ADCY2: variants seen among roughly 807,000 people sequenced by gnomAD.
The protein encoded by ADCY2 is adenylate cyclase 2, also known as adenylate cyclase type 2.
ADCY2 carries 31 observed loss-of-function variants against 125.2 expected under a neutral mutation model. The observed-to-expected ratio is 0.25, with a 90% CI of 0.19 to 0.33. The LOEUF (loss-of-function observed/expected upper bound fraction) is 0.33, where lower values mean the gene tolerates loss of function less well. ADCY2 is among the 10% of genes least tolerant of loss of function. The pLI, the probability that ADCY2 is intolerant of heterozygous loss-of-function variation, is 1.00. For missense variants in ADCY2, 904 were observed against 1,418.2 expected (o/e 0.64, Z 5.82); for synonymous variants, 512 against 548.4 (o/e 0.93, Z 0.93).
At chr5:7,649,844 ACCC>A (rs1442877992) in intron 4 of ADCY2, among the ~76,000 whole-genome samples, 1 of 151,748 alleles carries the variant, frequency 6.6e-6, no homozygotes, top group Non-Finnish European at 1.5e-5. Flanking sequence ...CCCCCTCTTT[ACCC>A]CTCTAGGTAA....
intron 3 of ADCY2, among the ~76,000 whole-genome samples, chr5:7,609,102 C>T (rs960644120): frequency 1.3e-5 from 2 of 152,202 alleles, no homozygotes; most frequent in African/African-American, 4.8e-5. Flanking sequence ...CAAAACATAG[C>T]TTCATGGTTC....
intron 20 of ADCY2, chr5:7,796,155 A>T (rs149641456): frequency 6.6e-6 from 1 of 152,352 alleles, no homozygotes; most frequent in Non-Finnish European, 1.5e-5. Flanking sequence ...AACTAGTGAA[A>T]TACTTCATGC....
At chr5:7,710,018 G>A (rs1409822833) in intron 10 of ADCY2, among the ~76,000 whole-genome samples, 1 of 152,196 alleles carries the variant, frequency 6.6e-6, no homozygotes, top group Non-Finnish European at 1.5e-5. Context: ...AAAACTATCT[G>A]GGGGTAAAAT....
chr5:7,517,352 G>T (rs750479150), intron 2 of ADCY2, among the ~76,000 whole-genome samples: 1 of 152,200 alleles, frequency 6.6e-6, no homozygotes, highest in Admixed American at 6.5e-5. Flanking sequence ...CCAAGAGATA[G>T]CATTCGACTA....
chr5:7,775,770 A>G (rs905144176), intron 18 of ADCY2, among the ~76,000 whole-genome samples: 7 of 152,114 alleles, frequency 4.6e-5, no homozygotes, highest in African/African-American at 1.7e-4. Flanking sequence ...CTTACTCATT[A>G]TTTTTTCCTA....
chr5:7,714,412 G>A (rs1741534618), intron 11 of ADCY2, among the ~76,000 whole-genome samples: 1 of 152,240 alleles, frequency 6.6e-6, no homozygotes, highest in African/African-American at 2.4e-5. Context: ...GCCGGGATGA[G>A]TGCAGTCTGG....
At chr5:7,608,092 T>C (rs1737444181) in intron 3 of ADCY2, among the ~76,000 whole-genome samples, 3 of 152,214 alleles carry the variant, frequency 2.0e-5, no homozygotes, top group Admixed American at 6.5e-5. Context: ...AAAGAATTAA[T>C]TAATTACAGG....
chr5:7,624,318 A>C (rs1219099505), intron 3 of ADCY2, among the ~76,000 whole-genome samples: 1 of 152,140 alleles, frequency 6.6e-6, no homozygotes, highest in Non-Finnish European at 1.5e-5. Flanking sequence ...ACCTTATTAC[A>C]CTTACACCTA....
At position 7,771,284 on chromosome 5, in the gene ADCY2, C is replaced by T. The variant is rs77530579; in HGVS notation, c.2215-1648C>T. On this transcript the variant is annotated intron_variant, in intron 17 of 24. Coordinates refer to ENST00000338316, the MANE Select transcript of ADCY2 (RefSeq NM_020546.3). ...TTTACTACATTAACCCACATCATCT[C>T]TTCTTTTCCTTTTCCTGTTCTCTGT... Among the ~76,000 whole-genome samples, 1,408 of 152,346 alleles carry T rather than the reference C, an allele frequency of 9.2e-3. 17 individuals are homozygous for T. Among genetic ancestry groups the T allele is most frequent in the African/African-American group, 0.033 (1,355 of 41,582 alleles).
intron 17 of ADCY2, 147 bp from the exon 18 acceptor site, chr5:7,772,785 G>T (rs1743593914): frequency 3.0e-6 from 2 of 657,300 alleles, no homozygotes. Flanking sequence ...ATTTACCACT[G>T]GATCAAAGAT....
intron 2 of ADCY2, among the ~76,000 whole-genome samples, chr5:7,509,505 C>A (rs78938556): frequency 0.019 from 2,849 of 152,238 alleles, 169 homozygotes; most frequent in Admixed American, 0.11. Context: ...AAATGCATGA[C>A]ATACCTCCTA....
intron 4 of ADCY2, among the ~76,000 whole-genome samples, chr5:7,677,096 G>A (rs779334661): frequency 5.3e-5 from 8 of 152,012 alleles, no homozygotes; most frequent in Admixed American, 2.0e-4. Context: ...GGCCAACATG[G>A]TGAAACCTCA....
intron 2 of ADCY2, among the ~76,000 whole-genome samples, chr5:7,499,681 ATGTATATATATGTG>A (rs1192485098): frequency 9.0e-4 from 111 of 123,948 alleles, no homozygotes; most frequent in African/African-American, 3.3e-3. Context: ...ATATATATAT[ATGTATATATATGTG>A]TATATATATG....
chr5:7,396,412 G>T lies in ADCY2; in HGVS notation c.116G>T (p.Cys39Phe). 1 of 1,579,670 alleles carries T rather than the reference G, an allele frequency of 6.3e-7. No individual in the cohort carries two copies. The highest frequency in any genetic ancestry group is 8.6e-7 in the Non-Finnish European group (1 of 1,163,508). The change falls in exon 1 of 25, where the codon TGC becomes TTC. Residue 39 changes from cysteine (C) to phenylalanine (F), a missense_variant. This residue lies in a region of ADCY2 where 113 missense variants were observed against 108.0 expected (regional missense o/e 1.05). Coordinates refer to ENST00000338316, the MANE Select transcript of ADCY2 (RefSeq NM_020546.3). The surrounding 1 kb of genome is among the most constrained non-coding windows in gnomAD (Gnocchi z 5.7). Reference sequence around the variant, plus strand: ...GACTGGCTCTACGAGTCCTACTACTGCATGAGCCAGCAGCACCCGCTCATC... The same window carrying T: ...GACTGGCTCTACGAGTCCTACTACTTCATGAGCCAGCAGCACCCGCTCATC... ...SRDWLYESYY[C>F]MSQQHPLIVF...
At position 7,806,206 on chromosome 5, in the gene ADCY2, T is replaced by G. The variant is rs571122618; in HGVS notation, c.2883+1514T>G. On this transcript the variant is annotated intron_variant, in intron 22 of 24. Coordinates refer to ENST00000338316, the MANE Select transcript of ADCY2 (RefSeq NM_020546.3). ...AACATTCTTTTAATTTTAAATATTC[T>G]ATTTATAACCCAAACCAGAACTAAT... Among the ~76,000 whole-genome samples the G allele has an allele frequency of 2.6e-5, 4 of 152,352 alleles. No homozygotes were observed. The East Asian group carries it at 7.7e-4, about 29-fold the overall frequency.
At chr5:7,397,597 G>T (rs1426946685) in intron 1 of ADCY2, among the ~76,000 whole-genome samples, 1 of 152,038 alleles carries the variant, frequency 6.6e-6, no homozygotes, top group Non-Finnish European at 1.5e-5. Flanking sequence ...ATTTCACCAT[G>T]CATAAAATAG....
Position 7,637,180 on chromosome 5 carries a change from A to G in ADCY2, c.720+10864A>G, listed in dbSNP as rs1273261256. Among the ~76,000 whole-genome samples, 3 of 152,266 alleles carry G rather than the reference A, an allele frequency of 2.0e-5. No homozygotes were observed. In the East Asian group the frequency reaches 5.8e-4, roughly 29 times the overall value. On this transcript the variant is annotated intron_variant, in intron 4 of 24. Coordinates refer to ENST00000338316, the MANE Select transcript of ADCY2 (RefSeq NM_020546.3). ...GTTGGTTGATTTTTATAGAAAGGCA[A>G]CAGTTGGGGCCGGGTGTGCTGGCTC...
intron 23 of ADCY2, among the ~76,000 whole-genome samples, chr5:7,819,804 C>T (rs572138103): frequency 1.3e-5 from 2 of 152,286 alleles, no homozygotes; most frequent in East Asian, 3.9e-4. Flanking sequence ...TCCTAGCATC[C>T]TTTTCAGCAT....
At chr5:7,653,304 G>C (rs1739162528) in intron 4 of ADCY2, among the ~76,000 whole-genome samples, 1 of 152,192 alleles carries the variant, frequency 6.6e-6, no homozygotes, top group Non-Finnish European at 1.5e-5. Flanking sequence ...GAGATGTCAG[G>C]CAAGTTGCTC....
Sources: allele counts gnomAD v4.1 joint callset (sites outside exome capture counted in the v4.1 genomes callset), GRCh38; gene constraint gnomAD v4.1.1; regional missense constraint gnomAD v4.1.1; non-coding constraint Gnocchi (gnomAD v3.1); transcripts MANE v1.5; gene names NCBI Gene and HGNC (gene_info 2026-07-23, HGNC 2026-07-21).